The following RYR2 variants were observed in gnomAD, a reference collection of about 807,000 sequenced individuals.
RYR2 encodes ryanodine receptor 2, also known as cardiac muscle ryanodine receptor-calcium release channel.
Under a neutral mutation model 601.1 loss-of-function variants are expected in RYR2, and 227 were observed. That is an observed-to-expected ratio of 0.38 (90% CI 0.34 to 0.42). The LOEUF (loss-of-function observed/expected upper bound fraction) is 0.42. RYR2 is among the 10% of genes least tolerant of loss of function. The pLI, the probability that RYR2 is intolerant of heterozygous loss-of-function variation, is 1.00. For synonymous variants in RYR2, 2,223 were observed against 2,175.1 expected, an observed-to-expected ratio of 1.02 and a Z score of -0.61; for missense variants, 4,646 against 6,156.5, an observed-to-expected ratio of 0.75 and a Z score of 8.21.
chr1:237,522,047 G>A (rs927634302), intron 24 of RYR2, among the ~76,000 whole-genome samples: 1 of 152,046 alleles, frequency 6.6e-6, no homozygotes, highest in Non-Finnish European at 1.5e-5. Context: ...GTATACATGT[G>A]CCATGTTGGT....
intron 17 of RYR2, among the ~76,000 whole-genome samples, chr1:237,479,947 A>G (rs1271996628): frequency 6.6e-6 from 1 of 152,070 alleles, no homozygotes; most frequent in Non-Finnish European, 1.5e-5. Context: ...CTAGGAATGA[A>G]CCTCTGTAGT....
intron 7 of RYR2, among the ~76,000 whole-genome samples, chr1:237,376,693 G>T (rs1701061124): frequency 6.6e-6 from 1 of 152,122 alleles, no homozygotes; most frequent in Admixed American, 6.6e-5. Context: ...TGTGCTAGAA[G>T]AAATTGTTTG....
chr1:237,724,775 A>G (rs1690063833), intron 74 of RYR2, among the ~76,000 whole-genome samples: 2 of 124,768 alleles, frequency 1.6e-5, no homozygotes, highest in South Asian at 5.3e-4. Flanking sequence ...TTCTGACAGC[A>G]TTGCTCTACC....
chr1:237,504,188 G>A (rs1572629096), intron 22 of RYR2, among the ~76,000 whole-genome samples: 1 of 152,232 alleles, frequency 6.6e-6, no homozygotes, highest in Non-Finnish European at 1.5e-5. Flanking sequence ...TCTGTGTGAA[G>A]AGACTACTAA....
chr1:237,739,174 T>G (rs1691401107), intron 79 of RYR2, among the ~76,000 whole-genome samples: 1 of 152,248 alleles, frequency 6.6e-6, no homozygotes, highest in African/African-American at 2.4e-5. Flanking sequence ...ATGTGCTTAC[T>G]GCTCCTTGTT....
intron 2 of RYR2, among the ~76,000 whole-genome samples, chr1:237,314,804 T>G (rs2149503594): frequency 6.6e-6 from 1 of 152,306 alleles, no homozygotes; most frequent in South Asian, 2.1e-4. Context: ...ATGAGATTGG[T>G]TTAACAAAAA....
chr1:237,276,694 A>G (rs2149367080), intron 2 of RYR2, among the ~76,000 whole-genome samples: 1 of 152,328 alleles, frequency 6.6e-6, no homozygotes, highest in African/African-American at 2.4e-5. Flanking sequence ...ATAAGGGACC[A>G]TTTGTCTAAC....
intron 1 of RYR2, among the ~76,000 whole-genome samples, chr1:237,121,670 T>A (rs929676488): frequency 1.3e-5 from 2 of 152,178 alleles, no homozygotes; most frequent in African/African-American, 4.8e-5. Flanking sequence ...TAGATTGGTG[T>A]TTCTGATCTC....
intron 97 of RYR2, among the ~76,000 whole-genome samples, chr1:237,798,710 A>G (rs2794819): frequency 0.68 from 103,043 of 151,862 alleles, 35,389 homozygotes; most frequent in East Asian, 0.95. Context: ...AACACTCTTT[A>G]TATACTGCTT....
chr1:237,145,311 A>G (rs1470779861), intron 1 of RYR2, among the ~76,000 whole-genome samples: 1 of 152,078 alleles, frequency 6.6e-6, no homozygotes, highest in African/African-American at 2.4e-5. Flanking sequence ...TAAGACACCT[A>G]TGTGGTTGCA....
rs1658861680 is a variant in RYR2, at chr1:237,456,679, G to C, written c.1556G>C (p.Gly519Ala). Residue 519 changes from glycine (G) to alanine (A), a missense_variant, in exon 16 of 105, where the codon GGG (glycine) becomes GCG (alanine). Coordinates refer to ENST00000366574, the MANE Select transcript of RYR2 (RefSeq NM_001035.3). ...GCAGCACACTTTGCTGATGTTGCTG[G>C]GCGAGAAGCAGGAGAGTCTTGGAAA... ...SSAAHFADVA[G>A]REAGESWKSI... 3.1e-6 allele frequency: 5 copies of C among 1,613,632 alleles called. No individual in the cohort carries two copies. Among genetic ancestry groups the C allele is most frequent in the Non-Finnish European group, 3.4e-6 (4 of 1,179,664 alleles).
chr1:237,588,995 C>T (rs1240055305), intron 29 of RYR2, among the ~76,000 whole-genome samples: 1 of 152,128 alleles, frequency 6.6e-6, no homozygotes, highest in Non-Finnish European at 1.5e-5. Flanking sequence ...GTATAGTTCC[C>T]CTTTTTGTTC....
chr1:237,169,986 T>C (rs899857510), intron 1 of RYR2, among the ~76,000 whole-genome samples: 4 of 152,204 alleles, frequency 2.6e-5, no homozygotes, highest in African/African-American at 9.6e-5. Flanking sequence ...AAGTTGTTAT[T>C]ATAGGTGCTG....
chr1:237,309,355 A>G (rs919684153), intron 2 of RYR2, among the ~76,000 whole-genome samples: 7 of 151,544 alleles, frequency 4.6e-5, no homozygotes, highest in African/African-American at 1.5e-4. Context: ...ACCTTGAACT[A>G]GACACAGAGT....
chr1:237,677,441 T>C (rs1219492845), intron 60 of RYR2, among the ~76,000 whole-genome samples: 1 of 152,204 alleles, frequency 6.6e-6, no homozygotes, highest in East Asian at 1.9e-4. Context: ...TGTTTTTGCT[T>C]CACTTATGAA....
At chr1:237,808,027 A>G (rs1660834070) in intron 99 of RYR2, among the ~76,000 whole-genome samples, 1 of 152,196 alleles carries the variant, frequency 6.6e-6, no homozygotes, top group Non-Finnish European at 1.5e-5. Flanking sequence ...CTATCCAAAA[A>G]TTAAAGTATA....
chr1:237,684,835 G>C (rs899502959), intron 62 of RYR2, among the ~76,000 whole-genome samples: 3 of 151,350 alleles, frequency 2.0e-5, no homozygotes, highest in African/African-American at 7.3e-5. Flanking sequence ...GGAGAGTAGA[G>C]AAAGAGGCAA....
At chr1:237,410,774 A>C (rs1227666703) in intron 10 of RYR2, among the ~76,000 whole-genome samples, 1 of 152,142 alleles carries the variant, frequency 6.6e-6, no homozygotes, top group East Asian at 1.9e-4. Flanking sequence ...AGTTCTCGAG[A>C]CAGTGGATCC....
At chr1:237,764,167 C>T (rs1005272826) in intron 84 of RYR2, among the ~76,000 whole-genome samples, 6 of 152,140 alleles carry the variant, frequency 3.9e-5, no homozygotes, top group South Asian at 2.1e-4. Context: ...TTTTGATACC[C>T]GCAACCCTCC....
Sources: gnomAD v4.1 joint callset for allele counts (sites outside exome capture counted in the v4.1 genomes callset) on GRCh38, gnomAD v4.1.1 for gene constraint, MANE v1.5 for transcripts, NCBI Gene and HGNC (gene_info 2026-07-23, HGNC 2026-07-21) for gene names.